Variants in KLF15 observed in about 807,000 individuals in gnomAD.
KLF15 encodes the protein KLF transcription factor 15.
Under a neutral mutation model 24.6 loss-of-function variants are expected in KLF15, and 4 were observed. That is an observed-to-expected ratio of 0.16 (90% confidence interval 0.08 to 0.37). KLF15 has a LOEUF of 0.37. KLF15 is among the 10% of genes least tolerant of loss of function. KLF15 has a pLI of 1.00. For synonymous variants in KLF15, 246 were observed against 236.3 expected (o/e 1.04, Z -0.37); for missense variants, 496 against 560.6 (o/e 0.88, Z 1.16).
chr3:126,336,862 A>G, the KLF15 span, among the ~76,000 whole-genome samples: 1 of 46,418 alleles, frequency 2.2e-5, no homozygotes, highest in Non-Finnish European at 3.8e-5. Context: ...AATGCAAATC[A>G]AAACCACTAT....
At chr3:126,317,155 C>G in the KLF15 span, among the ~76,000 whole-genome samples, 3 of 152,090 alleles carry the variant, frequency 2.0e-5, no homozygotes, top group Admixed American at 2.0e-4. Context: ...CCTGCCTGTG[C>G]CCTGGGGGCT....
chr3:126,320,180 T>C, the KLF15 span, among the ~76,000 whole-genome samples: 4 of 152,326 alleles, frequency 2.6e-5, no homozygotes, highest in Admixed American at 2.6e-4. Flanking sequence ...GGAGATCACA[T>C]GACCACTTTG....
chr3:126,350,199 C>T (rs543244186), intron 2 of KLF15, among the ~76,000 whole-genome samples: 173 of 152,346 alleles, frequency 1.1e-3, no homozygotes, highest in South Asian at 7.5e-3. Context: ...GCCCTTCTCT[C>T]GGCTCCTCTA....
At chr3:126,291,400 C>G in the KLF15 span, 2 of 152,232 alleles carry the variant, frequency 1.3e-5, no homozygotes, top group African/African-American at 4.8e-5. Flanking sequence ...GGTGGAGAGG[C>G]TAAGAAGAAA....
At chr3:126,298,018 T>G in the KLF15 span, among the ~76,000 whole-genome samples, 1 of 152,204 alleles carries the variant, frequency 6.6e-6, no homozygotes, top group Non-Finnish European at 1.5e-5. Context: ...CTTTAAGGAA[T>G]CTCCATACTG....
chr3:126,302,873 AG>A, the KLF15 span, among the ~76,000 whole-genome samples: 1 of 151,974 alleles, frequency 6.6e-6, no homozygotes, highest in African/African-American at 2.4e-5. Flanking sequence ...TTTTATCTGG[AG>A]TGTCATGACC....
chr3:126,297,048 A>T, the KLF15 span, among the ~76,000 whole-genome samples: 2 of 152,244 alleles, frequency 1.3e-5, no homozygotes, highest in African/African-American at 4.8e-5. Flanking sequence ...AGCTAGGACA[A>T]CAGGCATGTG....
chr3:126,349,242 C>T lies in KLF15; in HGVS notation c.1082+2599G>A, dbSNP rs1047597191. Among the ~76,000 whole-genome samples the T allele has an allele frequency of 9.2e-5, 14 of 152,168 alleles. No individual in the cohort carries two copies. In the East Asian group the frequency reaches 1.5e-3, roughly 17 times the overall value. On this transcript the variant is annotated intron_variant, in intron 2 of 2. Coordinates refer to ENST00000296233, the MANE Select transcript of KLF15 (RefSeq NM_014079.4). ...GAGGCCGGTGTCCTCAGCTCCCAGC[C>T]GAACAGCGCCTCTGCCATGAGTTAC...
chr3:126,300,074 G>T, the KLF15 span, among the ~76,000 whole-genome samples: 1 of 152,280 alleles, frequency 6.6e-6, no homozygotes, highest in South Asian at 2.1e-4. Flanking sequence ...GGCTCCAGGA[G>T]CTCCACAGGG....
At chr3:126,306,919 A>C in the KLF15 span, among the ~76,000 whole-genome samples, 6 of 152,050 alleles carry the variant, frequency 3.9e-5, no homozygotes, top group Admixed American at 1.3e-4. Flanking sequence ...ACTCCACCCA[A>C]GCTGTCTCCT....
At chr3:126,310,285 T>C in the KLF15 span, among the ~76,000 whole-genome samples, 1 of 152,208 alleles carries the variant, frequency 6.6e-6, no homozygotes, top group South Asian at 2.1e-4. Context: ...TACACATCAC[T>C]GAGACCTGGG....
chr3:126,317,914 C>G, the KLF15 span, among the ~76,000 whole-genome samples: 2 of 152,278 alleles, frequency 1.3e-5, no homozygotes, highest in Non-Finnish European at 1.5e-5. Context: ...GCTGCAAACC[C>G]GTACAGATTT....
the KLF15 span, among the ~76,000 whole-genome samples, chr3:126,308,499 G>A: frequency 4.6e-5 from 7 of 152,306 alleles, no homozygotes; most frequent in South Asian, 2.1e-4. Context: ...GGTGTCTGCC[G>A]CAGGCAGTGC....
the KLF15 span, among the ~76,000 whole-genome samples, chr3:126,328,905 G>C: frequency 6.6e-6 from 1 of 152,032 alleles, no homozygotes; most frequent in South Asian, 2.1e-4. Flanking sequence ...GGATTTTTAT[G>C]TTTTACTCAC....
At chr3:126,293,967 C>T in the KLF15 span, 34 of 152,374 alleles carry the variant, frequency 2.2e-4, no homozygotes, top group African/African-American at 7.9e-4. Context: ...CTCCCAGTGC[C>T]CTCCTCTGTT....
chr3:126,355,889 A>G (rs139673452), intron 1 of KLF15, among the ~76,000 whole-genome samples: 1,585 of 152,354 alleles, frequency 0.01, 40 homozygotes, highest in African/African-American at 0.034. Context: ...CCGGCATTAA[A>G]GAGAGGACAC....
chr3:126,312,440 G>T, the KLF15 span, among the ~76,000 whole-genome samples: 417 of 152,234 alleles, frequency 2.7e-3, 1 homozygote, highest in African/African-American at 9.6e-3. Flanking sequence ...CATCCAAAGC[G>T]CTGGGACTAC....
chr3:126,352,557 C>G lies in KLF15; in HGVS notation c.366G>C (p.Leu122Phe). 12 of 1,612,906 alleles carry G rather than the reference C, an allele frequency of 7.4e-6. No homozygotes were observed. Among genetic ancestry groups the G allele is most frequent in the Non-Finnish European group, 9.3e-6 (11 of 1,179,990 alleles). Residue 122 changes from leucine (L) to phenylalanine (F), a missense_variant, in exon 2 of 3, where the codon TTG (leucine) becomes TTC (phenylalanine). Around this residue, in one of 3 missense-constraint regions of KLF15, gnomAD observed 399 missense variants for 423.1 expected, o/e 0.94. Transcript: ENST00000296233. ...CAGGATCACCCAAAGGAAACTCGGG[C>G]AAGCAGAAATGCTCCCCCTTCACAG... is the stretch of plus-strand genomic sequence containing the variant. ...AAPVKGEHFC[L>F]PEFPLGDPDD...
At chr3:126,327,654 C>A in the KLF15 span, among the ~76,000 whole-genome samples, 5 of 152,178 alleles carry the variant, frequency 3.3e-5, no homozygotes. Flanking sequence ...GTCAAGGATG[C>A]TGACACCTGC....
Sources: gnomAD v4.1 joint callset for allele counts (sites outside exome capture counted in the v4.1 genomes callset) on GRCh38, gnomAD v4.1.1 for gene constraint, gnomAD v4.1.1 regional missense constraint, MANE v1.5 for transcripts, NCBI Gene and HGNC (gene_info 2026-07-23, HGNC 2026-07-21) for gene names.